DTNBP1: variants seen among roughly 807,000 people sequenced by gnomAD.
The protein encoded by DTNBP1 is dysbindin.
In DTNBP1, 35 loss-of-function variants were observed where a neutral mutation model predicts 42.8. The ratio of observed to expected loss-of-function variants is 0.82; its 90% confidence interval spans 0.63 to 1.09. DTNBP1 has a LOEUF of 1.09. Ranked by LOEUF, DTNBP1 falls within the 50% of genes least tolerant of loss-of-function variation. DTNBP1 has a pLI of 0.00. For missense variants in DTNBP1, 457 were observed against 424.2 expected, an observed-to-expected ratio of 1.08 and a Z score of -0.68; for synonymous variants, 171 against 162.2, an observed-to-expected ratio of 1.05 and a Z score of -0.41.
intron 7 of DTNBP1, among the ~76,000 whole-genome samples, chr6:15,565,973 T>TAGTA (rs1467436280): frequency 1.3e-5 from 2 of 152,200 alleles, no homozygotes; most frequent in Non-Finnish European, 2.9e-5. Context: ...TTTTGCTTCT[T>TAGTA]TACTAAGAGG....
At chr6:15,593,748 G>A (rs887175218) in intron 6 of DTNBP1, among the ~76,000 whole-genome samples, 1 of 152,154 alleles carries the variant, frequency 6.6e-6, no homozygotes, top group Non-Finnish European at 1.5e-5. Flanking sequence ...GTTGTTTTGA[G>A]GCTTTCCCTC....
chr6:15,563,315 C>T (rs1312470813), intron 7 of DTNBP1, among the ~76,000 whole-genome samples: 1 of 152,076 alleles, frequency 6.6e-6, no homozygotes, highest in South Asian at 2.1e-4. Flanking sequence ...GCAAAGGGTT[C>T]CTGAATATGA....
At chr6:15,536,238 T>A (rs1449155872) in intron 7 of DTNBP1, among the ~76,000 whole-genome samples, 3 of 143,620 alleles carry the variant, frequency 2.1e-5, no homozygotes, top group Non-Finnish European at 3.2e-5. Context: ...TTTGCATAAG[T>A]AATAAGGAGT....
intron 7 of DTNBP1, among the ~76,000 whole-genome samples, chr6:15,564,076 A>AG (rs1163837506): frequency 6.6e-6 from 1 of 151,756 alleles, no homozygotes; most frequent in East Asian, 1.9e-4. Flanking sequence ...AAAAAAAAAA[A>AG]AAAAAAAGAA....
intron 1 of DTNBP1, among the ~76,000 whole-genome samples, chr6:15,662,254 G>T (rs1037719720): frequency 1.3e-5 from 2 of 152,262 alleles, no homozygotes; most frequent in African/African-American, 2.4e-5. Flanking sequence ...GAGAAAGGAC[G>T]CAACGGGGAG....
chr6:15,581,468 G>A (rs1162023408), intron 7 of DTNBP1, among the ~76,000 whole-genome samples: 1 of 142,396 alleles, frequency 7.0e-6, no homozygotes, highest in African/African-American at 2.6e-5. Flanking sequence ...ATGAGCCACC[G>A]CGCCCGACTG....
chr6:15,533,163 T>G (rs1184835733), intron 8 of DTNBP1, 77 bp downstream of exon 8: 1 of 1,597,952 alleles, frequency 6.3e-7, no homozygotes, highest in Non-Finnish European at 8.5e-7. Context: ...CCCCATGCCC[T>G]GCTCTGGGGA....
At chr6:15,643,750 T>C (rs1294225252) in intron 3 of DTNBP1, among the ~76,000 whole-genome samples, 2 of 152,082 alleles carry the variant, frequency 1.3e-5, no homozygotes, top group Non-Finnish European at 2.9e-5. Flanking sequence ...AGGGAATTTA[T>C]CACCATCAGA....
intron 5 of DTNBP1, 120 bp downstream of exon 5, chr6:15,627,223 C>A: frequency 7.6e-7 from 1 of 1,311,292 alleles, no homozygotes; most frequent in Non-Finnish European, 1.1e-6. Context: ...TCATGATTTT[C>A]CAAAAAATCC....
chr6:15,615,790 A>C (rs1758684156), intron 5 of DTNBP1, among the ~76,000 whole-genome samples: 1 of 152,256 alleles, frequency 6.6e-6, no homozygotes, highest in Admixed American at 6.5e-5. Context: ...TAACCTAATT[A>C]CACCTATACT....
chr6:15,570,419 C>T (rs1381055102), intron 7 of DTNBP1, among the ~76,000 whole-genome samples: 1 of 152,172 alleles, frequency 6.6e-6, no homozygotes, highest in Non-Finnish European at 1.5e-5. Flanking sequence ...TCTGAGTTCT[C>T]CAAAAGCCCA....
At chr6:15,550,272 GACA>G (rs1225075992) in intron 7 of DTNBP1, among the ~76,000 whole-genome samples, 4 of 151,924 alleles carry the variant, frequency 2.6e-5, no homozygotes, top group Non-Finnish European at 4.4e-5. Context: ...TCTAATCTAG[GACA>G]ACGAGTCTCA....
intron 7 of DTNBP1, among the ~76,000 whole-genome samples, chr6:15,573,709 G>A (rs139556273): frequency 1.2e-3 from 187 of 152,070 alleles, no homozygotes; most frequent in African/African-American, 3.7e-3. Flanking sequence ...TTTTGTTTTC[G>A]TTTGTTTGTT....
rs560672044 is a variant in DTNBP1, at chr6:15,635,915, T to C, written c.222+1829A>G. Among the ~76,000 whole-genome samples the C allele has an allele frequency of 3.9e-5, 6 of 152,344 alleles. No homozygotes were observed. The East Asian group carries it at 1.2e-3, about 29-fold the overall frequency. On this transcript the variant is annotated intron_variant, in intron 4 of 9. Coordinates refer to ENST00000344537, the MANE Select transcript of DTNBP1 (RefSeq NM_032122.5). ...TTTATCTCTTGAAAGATTTTATATA[T>C]AACTATTTAACAGTCAATATTCAAT...
At chr6:15,615,210 G>A in intron 6 of DTNBP1, 57 bp downstream of exon 6, 1 of 1,611,546 alleles carries the variant, frequency 6.2e-7, no homozygotes, top group Non-Finnish European at 8.5e-7. Flanking sequence ...AGCATGTAAA[G>A]TAATATGGAA....
In DTNBP1 at chr6:15,607,311, T is replaced by C. The variant is rs1581386735; in HGVS notation, c.488+7956A>G. On this transcript the variant is annotated intron_variant, in intron 6 of 9. Transcript: ENST00000344537. ...ACTGTGCCCGGCCAAAATATTTCTT[T>C]GTTTTTTTGAGACAGAGTCTCACTC... Among the ~76,000 whole-genome samples, 3 of 151,846 alleles carry C rather than the reference T, an allele frequency of 2.0e-5. No homozygotes were observed. In the South Asian group the frequency reaches 6.2e-4, roughly 32 times the overall value.
At chr6:15,619,243 G>A (rs1308886389) in intron 5 of DTNBP1, among the ~76,000 whole-genome samples, 3 of 152,132 alleles carry the variant, frequency 2.0e-5, no homozygotes, top group Non-Finnish European at 4.4e-5. Context: ...AAAAAATGAT[G>A]TTTGAGGAGA....
At chr6:15,526,589 C>T (rs999058296) in intron 8 of DTNBP1, among the ~76,000 whole-genome samples, 10 of 152,230 alleles carry the variant, frequency 6.6e-5, no homozygotes, top group South Asian at 2.1e-4. Flanking sequence ...CGGACTTGGC[C>T]GGGGGTTGAG....
At chr6:15,542,335 C>G (rs1017770787) in intron 7 of DTNBP1, among the ~76,000 whole-genome samples, 4 of 152,092 alleles carry the variant, frequency 2.6e-5, no homozygotes. Context: ...GTCAATGTGA[C>G]AGATTTTAAA....
Sources: allele counts gnomAD v4.1 joint callset (sites outside exome capture counted in the v4.1 genomes callset), GRCh38; gene constraint gnomAD v4.1.1; transcripts MANE v1.5; gene names NCBI Gene and HGNC (gene_info 2026-07-23, HGNC 2026-07-21).